The following TPST2 variants were observed in gnomAD, a reference collection of about 807,000 sequenced individuals.
The protein encoded by TPST2 is tyrosylprotein sulfotransferase 2.
In TPST2, 16 loss-of-function variants were observed where a neutral mutation model predicts 27.8. The ratio of observed to expected loss-of-function variants is 0.58; its 90% confidence interval spans 0.39 to 0.88. The LOEUF is 0.88. Among genes scored for constraint, TPST2 ranks in the 40% least tolerant of loss-of-function variants. The pLI is 0.00. For missense variants in TPST2, 464 were observed against 543.1 expected, an observed-to-expected ratio of 0.85 and a Z score of 1.45; for synonymous variants, 229 against 231.7, an observed-to-expected ratio of 0.99 and a Z score of 0.10.
intron 1 of TPST2, among the ~76,000 whole-genome samples, chr22:26,545,802 T>A (rs2267082): frequency 6.6e-6 from 1 of 152,038 alleles, no homozygotes; most frequent in African/African-American, 2.4e-5. Flanking sequence ...CAGCCAGGCC[T>A]GGGGTGGTGG....
intron 1 of TPST2, among the ~76,000 whole-genome samples, chr22:26,548,373 G>A (rs111925501): frequency 0.02 from 2,990 of 149,894 alleles, 129 homozygotes; most frequent in African/African-American, 0.071. Context: ...GAGGGGAAGG[G>A]GGAGGACATG....
intron 1 of TPST2, chr22:26,550,631 G>A: frequency 2.0e-6 from 2 of 985,704 alleles, no homozygotes; most frequent in Non-Finnish European, 2.4e-6. Context: ...CACGTGCTCA[G>A]GCTCAGCCAT....
chr22:26,557,501 A>G (rs1218844905), intron 1 of TPST2, among the ~76,000 whole-genome samples: 2 of 152,188 alleles, frequency 1.3e-5, no homozygotes, highest in Non-Finnish European at 2.9e-5. Flanking sequence ...TCCCATCTGA[A>G]TCTACCGATG....
rs1394814225 is a variant in TPST2 at position 26,524,855 on chromosome 22, C to T, written c.*1420G>A. The T allele has an allele frequency of 1.3e-5, 2 of 152,168 alleles. No homozygotes were observed. The highest frequency in any genetic ancestry group is 1.9e-4 in the East Asian group (1 of 5,194). The allele number at this position is 152,168 out of a possible 1,614,324, so 9.4% of individuals were successfully genotyped here. Reference sequence around the variant, plus strand: ...GCCTTAATGGGCTCCTGGGAGATAACCTCTAAGTCCTTGGAATATCCTCCC... The same window carrying T: ...GCCTTAATGGGCTCCTGGGAGATAATCTCTAAGTCCTTGGAATATCCTCCC... On this transcript the variant is annotated 3_prime_UTR_variant, in exon 7 of 7. Transcript: ENST00000338754.
intron 1 of TPST2, among the ~76,000 whole-genome samples, chr22:26,589,750 G>A (rs1053066941): frequency 6.6e-6 from 1 of 152,136 alleles, no homozygotes; most frequent in Non-Finnish European, 1.5e-5. Flanking sequence ...AACAGACGCT[G>A]AGCGTCTCCC....
chr22:26,540,803 A>T lies in TPST2; in HGVS notation c.828T>A (p.Gly276=), dbSNP rs988990085. The T allele has an allele frequency of 6.3e-7, 1 of 1,591,540 alleles. No homozygotes were observed. Residue 276 remains glycine (G), a synonymous_variant, in exon 3 of 7, where the codon GGT becomes GGA. Coordinates refer to ENST00000338754, the MANE Select transcript of TPST2 (RefSeq NM_003595.5). ...HHEDLIGKPG[G]VSLSKIERST... is the part of the protein sequence containing the mutation. Reference sequence around the variant, plus strand: ...GCTCCACTCACTTGGACAGGGAGACACCACCGGGCTTGCCAATGAGGTCTT... The same window carrying T: ...GCTCCACTCACTTGGACAGGGAGACTCCACCGGGCTTGCCAATGAGGTCTT...
At chr22:26,533,407 G>A (rs546527477) in intron 4 of TPST2, among the ~76,000 whole-genome samples, 1 of 152,212 alleles carries the variant, frequency 6.6e-6, no homozygotes, top group Non-Finnish European at 1.5e-5. Context: ...GTGACAGAGC[G>A]AGACCCTGTC....
intron 1 of TPST2, among the ~76,000 whole-genome samples, chr22:26,587,345 C>T (rs1015064475): frequency 7.9e-5 from 12 of 152,128 alleles, no homozygotes; most frequent in Non-Finnish European, 1.8e-4. Context: ...CCTCTCCTTG[C>T]TTCGGTATTT....
chr22:26,571,428 A>AT (rs149427467), intron 1 of TPST2, among the ~76,000 whole-genome samples: 1,719 of 150,400 alleles, frequency 0.011, 39 homozygotes, highest in East Asian at 0.053. Context: ...ACCCTGCGTG[A>AT]TTTTTTTTTT....
rs974007807 is a variant in TPST2 at position 26,570,029 on chromosome 22, A to C, written c.-161+20024T>G. On this transcript the variant is annotated intron_variant, in intron 1 of 6. Transcript: ENST00000338754. ...AAAGAAAGAAAGAAAGAAAGAAAGA[A>C]AGAAAGAAAGAAAGACAGAAAGAAA... 4.4e-3 allele frequency among the ~76,000 whole-genome samples: 559 copies of C among 126,718 alleles called. 4 individuals are homozygous for C. Among genetic ancestry groups the C allele is most frequent in the Non-Finnish European group, 6.7e-3 (415 of 61,678 alleles). The allele number at this position is 126,718 out of a possible 152,430, so 83.1% of individuals were successfully genotyped here.
chr22:26,582,236 G>A (rs1184163716), intron 1 of TPST2, among the ~76,000 whole-genome samples: 1 of 152,126 alleles, frequency 6.6e-6, no homozygotes, highest in Non-Finnish European at 1.5e-5. Context: ...AGACCAGGCT[G>A]GCCAACACAG....
intron 1 of TPST2, among the ~76,000 whole-genome samples, chr22:26,584,943 A>G (rs529904672): frequency 6.6e-6 from 1 of 152,312 alleles, no homozygotes; most frequent in South Asian, 2.1e-4. Flanking sequence ...ACAAACGAAC[A>G]TGTTCAAAAT....
intron 1 of TPST2, among the ~76,000 whole-genome samples, 191 bp downstream of exon 1, chr22:26,589,862 C>A (rs1928487610): frequency 6.6e-6 from 1 of 152,004 alleles, no homozygotes; most frequent in Non-Finnish European, 1.5e-5. Context: ...ATCCCAGAAC[C>A]GCGCGCCCGC....
At chr22:26,581,192 A>T (rs1489186356) in intron 1 of TPST2, among the ~76,000 whole-genome samples, 1 of 151,698 alleles carries the variant, frequency 6.6e-6, no homozygotes, top group African/African-American at 2.4e-5. Flanking sequence ...TACAAAGCTA[A>T]CTCCTACTGG....
intron 2 of TPST2, among the ~76,000 whole-genome samples, chr22:26,543,472 T>G (rs1293609085): frequency 6.6e-6 from 1 of 152,028 alleles, no homozygotes; most frequent in African/African-American, 2.4e-5. Context: ...TTGGCTGATT[T>G]TTTTGTGTGT....
chr22:26,566,934 G>A (rs866349597), intron 1 of TPST2, among the ~76,000 whole-genome samples: 5 of 152,194 alleles, frequency 3.3e-5, no homozygotes, highest in Non-Finnish European at 4.4e-5. Context: ...AGTATGGGGT[G>A]GGGCTGTCCC....
At chr22:26,560,235 T>C (rs1477903064) in intron 1 of TPST2, among the ~76,000 whole-genome samples, 1 of 152,104 alleles carries the variant, frequency 6.6e-6, no homozygotes, top group Non-Finnish European at 1.5e-5. Flanking sequence ...CTTGCTCTCC[T>C]AACAAGATAC....
intron 1 of TPST2, among the ~76,000 whole-genome samples, chr22:26,553,159 T>A (rs983425358): frequency 1.4e-5 from 2 of 147,216 alleles, no homozygotes; most frequent in Admixed American, 1.4e-4. Flanking sequence ...TGAGCCGAGG[T>A]GGAAGCCAGT....
intron 1 of TPST2, among the ~76,000 whole-genome samples, chr22:26,551,475 A>G (rs371008848): frequency 6.6e-6 from 1 of 152,292 alleles, no homozygotes; most frequent in African/African-American, 2.4e-5. Context: ...GCCGAAGGCC[A>G]TGCAGCTGGG....
Sources: allele counts gnomAD v4.1 joint callset (sites outside exome capture counted in the v4.1 genomes callset), GRCh38; gene constraint gnomAD v4.1.1; transcripts MANE v1.5; gene names NCBI Gene and HGNC (gene_info 2026-07-23, HGNC 2026-07-21).